Variants in LAMC1 observed in about 807,000 individuals in gnomAD.
LAMC1 encodes the protein laminin subunit gamma-1.
Under a neutral mutation model 173.6 loss-of-function variants are expected in LAMC1, and 38 were observed. The observed-to-expected ratio is 0.22, with a 90% CI of 0.17 to 0.29. The LOEUF (loss-of-function observed/expected upper bound fraction) is 0.29. Among genes scored for constraint, LAMC1 ranks in the 10% least tolerant of loss-of-function variants. LAMC1 has a pLI of 1.00. For missense variants in LAMC1, 1,824 were observed against 2,051.8 expected (o/e 0.89, Z 2.14); for synonymous variants, 746 against 749.1 (o/e 1.00, Z 0.07).
chr1:183,088,942 A>T (rs1374405337), intron 1 of LAMC1, among the ~76,000 whole-genome samples: 1 of 152,240 alleles, frequency 6.6e-6, no homozygotes, highest in South Asian at 2.1e-4. Flanking sequence ...GTCCAGACTT[A>T]TGGATGCCTT....
At chr1:183,102,161 C>T (rs1655853856) in intron 1 of LAMC1, among the ~76,000 whole-genome samples, 1 of 152,134 alleles carries the variant, frequency 6.6e-6, no homozygotes, top group Admixed American at 6.5e-5. Context: ...CATGAGGAAT[C>T]GCTCCTTGTC....
intron 1 of LAMC1, among the ~76,000 whole-genome samples, chr1:183,099,781 C>T (rs1013330417): frequency 6.6e-6 from 1 of 152,122 alleles, no homozygotes; most frequent in African/African-American, 2.4e-5. Context: ...GTCTCTAACT[C>T]AGACATCTCT....
intron 1 of LAMC1, among the ~76,000 whole-genome samples, chr1:183,046,698 T>C (rs747051213): frequency 6.6e-6 from 1 of 152,142 alleles, no homozygotes; most frequent in Non-Finnish European, 1.5e-5. Context: ...TAATAATTTG[T>C]CTTTAGCTTC....
In LAMC1 at chr1:183,093,098, A is replaced by G. The variant is rs539130209; in HGVS notation, c.419-10230A>G. On this transcript the variant is annotated intron_variant, in intron 1 of 27. Coordinates refer to ENST00000258341, the MANE Select transcript of LAMC1 (RefSeq NM_002293.4). Reference sequence around the variant, plus strand: ...GTTCAGTGTTGCAGTGAGCTATGATAGTACCATTGCACTCCATCCTGGGCG... The same window carrying G: ...GTTCAGTGTTGCAGTGAGCTATGATGGTACCATTGCACTCCATCCTGGGCG... Among the ~76,000 whole-genome samples the G allele has an allele frequency of 3.7e-4, 57 of 152,272 alleles. No individual in the cohort carries two copies. In the Middle Eastern group the frequency reaches 0.01, roughly 27 times the overall value.
intron 1 of LAMC1, among the ~76,000 whole-genome samples, chr1:183,066,597 C>T (rs774283153): frequency 2.6e-5 from 4 of 152,210 alleles, no homozygotes; most frequent in Non-Finnish European, 5.9e-5. Context: ...AAATGTGGCA[C>T]ATAAACACCA....
chr1:183,127,481 GA>G, intron 17 of LAMC1, 77 bp downstream of exon 17: 1 of 1,360,376 alleles, frequency 7.4e-7, no homozygotes, highest in Non-Finnish European at 1.0e-6. Flanking sequence ...AATCTCTATA[GA>G]AAAAGTGGTG....
intron 1 of LAMC1, among the ~76,000 whole-genome samples, chr1:183,102,223 A>G (rs1379540627): frequency 1.3e-5 from 2 of 152,204 alleles, no homozygotes; most frequent in Admixed American, 1.3e-4. Context: ...GTCTCTCCTC[A>G]ACACTTCTGA....
chr1:183,142,411 C>T (rs1657139138), intron 27 of LAMC1, 123 bp from the exon 28 acceptor site: 3 of 998,038 alleles, frequency 3.0e-6, no homozygotes, highest in Non-Finnish European at 4.4e-6. Flanking sequence ...CTGCAAGTCA[C>T]ATTTGCCGGG....
intron 1 of LAMC1, among the ~76,000 whole-genome samples, chr1:183,025,764 G>A (rs1328461011): frequency 3.9e-5 from 6 of 152,192 alleles, no homozygotes; most frequent in African/African-American, 1.4e-4. Flanking sequence ...AAGAAAAGGC[G>A]TTGCCTGATG....
intron 1 of LAMC1, among the ~76,000 whole-genome samples, chr1:183,070,794 T>C (rs970356747): frequency 3.5e-4 from 53 of 152,054 alleles, no homozygotes; most frequent in African/African-American, 1.3e-3. Flanking sequence ...ATTTCTTCTG[T>C]TGATATGGAA....
chr1:183,095,328 T>A (rs1206548364), intron 1 of LAMC1, among the ~76,000 whole-genome samples: 4 of 152,112 alleles, frequency 2.6e-5, no homozygotes, highest in African/African-American at 9.7e-5. Flanking sequence ...CTAATTAGAT[T>A]TTCTCTTTTT....
chr1:183,036,492 T>C (rs1372203363), intron 1 of LAMC1, among the ~76,000 whole-genome samples: 1 of 145,274 alleles, frequency 6.9e-6, no homozygotes, highest in Non-Finnish European at 1.5e-5. Flanking sequence ...TACCTCTGCC[T>C]CCTGGGTTCA....
chr1:183,080,001 T>C (rs1315489621), intron 1 of LAMC1, among the ~76,000 whole-genome samples: 1 of 152,114 alleles, frequency 6.6e-6, no homozygotes, highest in East Asian at 1.9e-4. Flanking sequence ...CCCAGCACTT[T>C]GAGGAGCCGA....
rs2296290 is a variant in LAMC1 at position 183,110,277 on chromosome 1, C to T, written c.855-211C>T. ...AATTGTTAGGGACTTTCTTTTCATACCTGGTTAATCCCTACCCCTGTTAAG... is the reference window on the plus strand; with the variant it reads ...AATTGTTAGGGACTTTCTTTTCATATCTGGTTAATCCCTACCCCTGTTAAG... On this transcript the variant is annotated intron_variant, in intron 3 of 27. Transcript: ENST00000258341. Among the ~76,000 whole-genome samples the T allele has an allele frequency of 0.52, 78,654 of 152,076 alleles. 21,042 individuals carry two copies. The highest frequency in any genetic ancestry group is 0.65 in the South Asian group (3,128 of 4,822).
At chr1:183,133,597 A>C (rs1256735862) in intron 22 of LAMC1, 47 bp downstream of exon 22, 1 of 1,536,692 alleles carries the variant, frequency 6.5e-7, no homozygotes, top group African/African-American at 1.4e-5. Context: ...CTCTCCCCCA[A>C]GTCTATGTGA....
chr1:183,087,023 G>T (rs952846357), intron 1 of LAMC1, among the ~76,000 whole-genome samples: 13 of 152,128 alleles, frequency 8.5e-5, no homozygotes, highest in Admixed American at 5.2e-4. Flanking sequence ...TTACACTTAA[G>T]AAAATTGAGG....
intron 1 of LAMC1, among the ~76,000 whole-genome samples, chr1:183,035,798 C>T (rs999085203): frequency 6.6e-6 from 1 of 152,102 alleles, no homozygotes; most frequent in Admixed American, 6.6e-5. Flanking sequence ...TACCTGTAAC[C>T]AGATACCCTA....
chr1:183,127,468 A>T, intron 17 of LAMC1, 64 bp downstream of exon 17: 1 of 1,443,416 alleles, frequency 6.9e-7, no homozygotes. Flanking sequence ...CTTACTGTGC[A>T]CTAATCTCTA....
intron 10 of LAMC1, 21 bp downstream of exon 10, chr1:183,117,744 A>G: frequency 2.5e-6 from 4 of 1,593,366 alleles, no homozygotes; most frequent in Middle Eastern, 1.7e-4. Flanking sequence ...CTTCTTTGTA[A>G]AGTGAGACTT....
Sources: gnomAD v4.1 joint callset for allele counts (sites outside exome capture counted in the v4.1 genomes callset) on GRCh38, gnomAD v4.1.1 for gene constraint, MANE v1.5 for transcripts, NCBI Gene and HGNC (gene_info 2026-07-23, HGNC 2026-07-21) for gene names.